The following ARFGEF1 variants were observed in gnomAD, a reference collection of about 807,000 sequenced individuals.
ARFGEF1 encodes ARF guanine nucleotide exchange factor 1.
A neutral mutation model predicts 231.0 loss-of-function variants in ARFGEF1; 42 were observed. That is an observed-to-expected ratio of 0.18 (90% confidence interval 0.14 to 0.24). The LOEUF (loss-of-function observed/expected upper bound fraction) is 0.24, where lower values mean the gene tolerates loss of function less well. Ranked by LOEUF, ARFGEF1 falls within the 10% of genes least tolerant of loss-of-function variation. The pLI is 1.00. For missense variants in ARFGEF1, 1,345 were observed against 2,192.0 expected (o/e 0.61, Z 7.72); for synonymous variants, 710 against 732.3 (o/e 0.97, Z 0.49).
chr8:67,261,274 G>A (rs1199026400), intron 14 of ARFGEF1, among the ~76,000 whole-genome samples: 3 of 152,206 alleles, frequency 2.0e-5, no homozygotes, highest in East Asian at 1.9e-4. Flanking sequence ...CATAGCAAGG[G>A]AGGAGAAGTT....
At chr8:67,339,648 C>T (rs1177746161) in intron 1 of ARFGEF1, among the ~76,000 whole-genome samples, 1 of 151,442 alleles carries the variant, frequency 6.6e-6, no homozygotes, top group South Asian at 2.1e-4. Flanking sequence ...TTCTCGAGAG[C>T]AGGAATGGAT....
chr8:67,230,482 C>A (rs576772162), intron 23 of ARFGEF1, among the ~76,000 whole-genome samples: 147 of 152,056 alleles, frequency 9.7e-4, no homozygotes, highest in Admixed American at 1.4e-3. Context: ...TATTATTATA[C>A]CTGTAAAAGG....
chr8:67,287,949 T>C lies in ARFGEF1; in HGVS notation c.1027+6A>G. The C allele has an allele frequency of 6.4e-7, 1 of 1,566,726 alleles. No homozygotes were observed. Among genetic ancestry groups the C allele is most frequent in the Non-Finnish European group, 8.6e-7 (1 of 1,158,226 alleles). On this transcript the variant is annotated splice_donor_region_variant and intron_variant, in intron 7 of 38. Transcript: ENST00000262215. The stretch of plus-strand genomic sequence containing the variant: ...GAGTAAAATAATTTTGAATGAAGTA[T>C]ACTACCTCCAACAACAATGTTCACC...
intron 1 of ARFGEF1, among the ~76,000 whole-genome samples, chr8:67,335,809 C>G (rs1380639636): frequency 6.6e-6 from 1 of 151,518 alleles, no homozygotes; most frequent in Non-Finnish European, 1.5e-5. Context: ...TGCAGTAGCA[C>G]AATCTTGGCT....
intron 3 of ARFGEF1, among the ~76,000 whole-genome samples, chr8:67,299,723 C>G (rs1206415316): frequency 6.6e-6 from 1 of 152,030 alleles, no homozygotes; most frequent in Admixed American, 6.6e-5. Flanking sequence ...GCTTGCCTCC[C>G]ACATTGTCAG....
intron 15 of ARFGEF1, 139 bp from the exon 16 acceptor site, chr8:67,258,429 A>G: frequency 3.3e-6 from 2 of 602,960 alleles, no homozygotes; most frequent in Non-Finnish European, 5.6e-6. Flanking sequence ...GGTTCAAGCG[A>G]TTCTCCTGCC....
rs1316327070 is a variant in ARFGEF1, at chr8:67,202,978, A to T, written c.5128+105T>A. On this transcript the variant is annotated intron_variant, in intron 36 of 38. Transcript: ENST00000262215. The stretch of plus-strand genomic sequence containing the variant: ...TGTTAAGGTCAGAGTACATATAGTG[A>T]CATGCACAGACCTATAGCAGACAGT... The T allele has an allele frequency of 2.4e-5, 28 of 1,188,616 alleles. No homozygotes were observed. In the South Asian group the frequency reaches 3.3e-4, roughly 14 times the overall value. The allele number at this position is 1,188,616 out of a possible 1,614,324, so 73.6% of individuals were successfully genotyped here.
Position 67,266,222 on chromosome 8 carries a change from A to C in ARFGEF1, c.1922-15T>G. ...TTTTTCCTGACCTGAAAGAAGAAAA[A>C]TTGATAGAGTACATTATTCTATCAA... On this transcript the variant is annotated splice_polypyrimidine_tract_variant and intron_variant, in intron 13 of 38. Transcript: ENST00000262215. 6.2e-7 allele frequency: 1 copy of C among 1,607,360 alleles called. No homozygotes were observed. Among genetic ancestry groups the C allele is most frequent in the East Asian group, 2.2e-5 (1 of 44,754 alleles).
At chr8:67,298,307 T>C (rs760087592) in intron 4 of ARFGEF1, among the ~76,000 whole-genome samples, 7 of 152,162 alleles carry the variant, frequency 4.6e-5, no homozygotes, top group African/African-American at 7.2e-5. Context: ...CCATTAGCAA[T>C]AACATTAAGA....
At chr8:67,247,126 G>A (rs1278642999) in intron 19 of ARFGEF1, among the ~76,000 whole-genome samples, 2 of 150,206 alleles carry the variant, frequency 1.3e-5, no homozygotes, top group Non-Finnish European at 3.0e-5. Flanking sequence ...AAAAGAAAGC[G>A]TGAAATCTGA....
At chr8:67,218,359 A>C (rs1839029407) in intron 30 of ARFGEF1, among the ~76,000 whole-genome samples, 1 of 150,954 alleles carries the variant, frequency 6.6e-6, no homozygotes, top group Non-Finnish European at 1.5e-5. Context: ...TCCCATAACC[A>C]CCTATGTATA....
At chr8:67,320,937 TAG>T (rs964427877) in intron 1 of ARFGEF1, among the ~76,000 whole-genome samples, 1 of 151,704 alleles carries the variant, frequency 6.6e-6, no homozygotes, top group Non-Finnish European at 1.5e-5. Context: ...GCCTGGGCAA[TAG>T]AGTGAGATTC....
rs1586789088 is a variant in ARFGEF1 at position 67,179,935 on chromosome 8, A to G, written c.561-4363T>C. The G allele has an allele frequency of 4.2e-6, 6 of 1,439,748 alleles. No homozygotes were observed. The African/African-American group carries it at 5.6e-5, about 13-fold the overall frequency. The allele number at this position is 1,439,748 out of a possible 1,614,324, so 89.2% of individuals were successfully genotyped here. A position where few individuals can be genotyped will look rare whatever the true frequency, so the allele number is the denominator to read the frequency against. ...TGATAGTGCTTTTATTGGTGAGTATATTTATTTTATTAAGGCTATATTGTT... is the reference window on the plus strand; with the variant it reads ...TGATAGTGCTTTTATTGGTGAGTATGTTTATTTTATTAAGGCTATATTGTT... On this transcript the variant is annotated intron_variant, in intron 5 of 5. Coordinates refer to the ARFGEF1 transcript ENST00000518789.
At chr8:67,242,693 A>T (rs961400002) in intron 19 of ARFGEF1, among the ~76,000 whole-genome samples, 1 of 152,168 alleles carries the variant, frequency 6.6e-6, no homozygotes, top group African/African-American at 2.4e-5. Flanking sequence ...TGGCCACAGA[A>T]GGGTAGAGCA....
At position 67,190,649 on chromosome 8, in the gene ARFGEF1, G is replaced by A. The variant is rs377059283; in HGVS notation, c.560+9747C>T. On this transcript the variant is annotated intron_variant, in intron 5 of 5. Transcript: ENST00000518789. Reference sequence around the variant, plus strand: ...CCTTCTGCTTTTCGGGGTCCTCTTAGGGGCTTACGGTGAGACATATCCTGC... The same window carrying A: ...CCTTCTGCTTTTCGGGGTCCTCTTAAGGGCTTACGGTGAGACATATCCTGC... 1.9e-6 allele frequency: 3 copies of A among 1,613,072 alleles called. No homozygotes were observed. The highest frequency in any genetic ancestry group is 1.3e-5 in the African/African-American group (1 of 74,900).
At chr8:67,219,920 T>C (rs965370862) in intron 29 of ARFGEF1, among the ~76,000 whole-genome samples, 2 of 152,210 alleles carry the variant, frequency 1.3e-5, no homozygotes, top group African/African-American at 4.8e-5. Flanking sequence ...AGAAAATACA[T>C]ATACAGCAGT....
chr8:67,190,583 T>A, intron 5 of ARFGEF1: 2 of 1,177,710 alleles, frequency 1.7e-6, no homozygotes, highest in Non-Finnish European at 2.5e-6. Context: ...TAAAAGGCTC[T>A]TGGTTTAGCT....
intron 1 of ARFGEF1, among the ~76,000 whole-genome samples, chr8:67,330,374 T>G (rs866556783): frequency 6.6e-6 from 1 of 152,126 alleles, no homozygotes; most frequent in Non-Finnish European, 1.5e-5. Context: ...TTCCTTCTAC[T>G]TTACCACTCA....
intron 5 of ARFGEF1, among the ~76,000 whole-genome samples, chr8:67,189,694 T>C (rs549912484): frequency 3.9e-5 from 6 of 152,270 alleles, no homozygotes; most frequent in East Asian, 3.9e-4. Flanking sequence ...CACTGAAATA[T>C]TGAGAGACAA....
Sources: gnomAD v4.1 joint callset for allele counts (sites outside exome capture counted in the v4.1 genomes callset) on GRCh38, gnomAD v4.1.1 for gene constraint, MANE v1.5 for transcripts, NCBI Gene and HGNC (gene_info 2026-07-23, HGNC 2026-07-21) for gene names.